CPT1A: variants seen among roughly 807,000 people sequenced by gnomAD.
The protein encoded by CPT1A is carnitine palmitoyltransferase 1A.
A neutral mutation model predicts 100.8 loss-of-function variants in CPT1A; 64 were observed. The observed-to-expected ratio is 0.63, with a 90% CI of 0.52 to 0.78. The LOEUF is 0.78. Ranked by LOEUF, CPT1A falls within the 30% of genes least tolerant of loss-of-function variation. The probability of loss-of-function intolerance (pLI) is 0.00; values close to 1 mark genes in which losing one functional copy is unlikely to be tolerated. For missense variants in CPT1A, 802 were observed against 1,034.1 expected, an observed-to-expected ratio of 0.78 and a Z score of 3.08; for synonymous variants, 363 against 396.0, an observed-to-expected ratio of 0.92 and a Z score of 0.99.
intron 7 of CPT1A, among the ~76,000 whole-genome samples, chr11:68,795,939 T>C (rs1235769810): frequency 6.8e-6 from 1 of 147,270 alleles, no homozygotes; most frequent in African/African-American, 2.5e-5. Context: ...AAGTAAATGA[T>C]TAAAAAATAA....
intron 6 of CPT1A, among the ~76,000 whole-genome samples, chr11:68,798,499 G>A (rs1033923442): frequency 1.3e-5 from 2 of 152,102 alleles, no homozygotes; most frequent in Admixed American, 6.5e-5. Context: ...CCCTTGCTTT[G>A]TCTGCCGGAG....
In CPT1A at chr11:68,815,493, A is replaced by T. The variant is rs1856359346; in HGVS notation, c.-13-6T>A. On this transcript the variant is annotated splice_region_variant and splice_polypyrimidine_tract_variant and intron_variant, in intron 1 of 18. Coordinates refer to ENST00000265641, the MANE Select transcript of CPT1A (RefSeq NM_001876.4). ...CTGCCATCTTCAGAGAGTACCTGGAAGGAGAAGGAGAAAATGTAACACAGT... is the reference window on the plus strand; with the variant it reads ...CTGCCATCTTCAGAGAGTACCTGGATGGAGAAGGAGAAAATGTAACACAGT... The T allele has an allele frequency of 3.1e-6, 5 of 1,613,828 alleles. No individual in the cohort carries two copies. The highest frequency in any genetic ancestry group is 4.2e-6 in the Non-Finnish European group (5 of 1,179,898).
chr11:68,839,728 T>A (rs1594384886), intron 1 of CPT1A: 1 of 985,166 alleles, frequency 1.0e-6, no homozygotes, highest in Non-Finnish European at 1.2e-6. Context: ...TGACGGTGTT[T>A]TTATGAATGA....
chr11:68,833,857 A>G (rs1312140500), intron 1 of CPT1A, among the ~76,000 whole-genome samples: 1 of 152,070 alleles, frequency 6.6e-6, no homozygotes, highest in African/African-American at 2.4e-5. Flanking sequence ...AAGGATTTTC[A>G]TTATTATTTT....
intron 9 of CPT1A, among the ~76,000 whole-genome samples, chr11:68,790,259 T>C (rs371560877): frequency 2.6e-5 from 4 of 152,158 alleles, no homozygotes; most frequent in South Asian, 4.2e-4. Context: ...TTTGTAGAGA[T>C]GGGGTTTTGC....
At position 68,815,245 on chromosome 11, in the gene CPT1A, C is replaced by G. The variant is rs140329836; in HGVS notation, c.141+89G>C. ...AGGTAAGTGATATGCAGTCGCCAGT[C>G]TGAAACACGTAGACCTCAATAGCAG... On this transcript the variant is annotated intron_variant, in intron 2 of 18. Coordinates refer to ENST00000265641, the MANE Select transcript of CPT1A (RefSeq NM_001876.4). 2.1e-4 allele frequency: 292 copies of G among 1,378,664 alleles called. 4 individuals carry two copies. The East Asian group carries it at 3.9e-3, about 18-fold the overall frequency. The allele number at this position is 1,378,664 out of a possible 1,614,324, so 85.4% of individuals were successfully genotyped here.
At chr11:68,770,340 C>T (rs528852307) in intron 14 of CPT1A, among the ~76,000 whole-genome samples, 6 of 152,270 alleles carry the variant, frequency 3.9e-5, no homozygotes, top group East Asian at 3.9e-4. Context: ...TGCGCTGGGC[C>T]GGCTCACTGG....
intron 5 of CPT1A, 136 bp downstream of exon 5, chr11:68,803,864 C>A: frequency 1.5e-6 from 1 of 668,032 alleles, no homozygotes; most frequent in Non-Finnish European, 2.7e-6. Context: ...AAAAAGAGTT[C>A]CTATGAGAAC....
intron 1 of CPT1A, among the ~76,000 whole-genome samples, chr11:68,819,356 T>G (rs1286247287): frequency 6.6e-6 from 1 of 152,000 alleles, no homozygotes; most frequent in African/African-American, 2.4e-5. Flanking sequence ...CCGGGATTAC[T>G]GCTATGAGCC....
chr11:68,827,751 T>C lies in CPT1A; in HGVS notation c.-13-12264A>G, dbSNP rs559330231. Among the ~76,000 whole-genome samples, 11 of 152,260 alleles carry C rather than the reference T, an allele frequency of 7.2e-5. No homozygotes were observed. In the East Asian group the frequency reaches 1.7e-3, roughly 24 times the overall value. On this transcript the variant is annotated intron_variant, in intron 1 of 18. Coordinates refer to ENST00000265641, the MANE Select transcript of CPT1A (RefSeq NM_001876.4). ...CGGGGCTCATCTTTCCCTACGTATTTGAGTATCTACAAGTGCATACAGTGC... is the reference window on the plus strand; with the variant it reads ...CGGGGCTCATCTTTCCCTACGTATTCGAGTATCTACAAGTGCATACAGTGC...
chr11:68,778,781 A>C, intron 12 of CPT1A, among the ~76,000 whole-genome samples: 1 of 151,982 alleles, frequency 6.6e-6, no homozygotes, highest in Non-Finnish European at 1.5e-5. Flanking sequence ...CAAGTTTACT[A>C]CTAATTTCTT....
intron 1 of CPT1A, among the ~76,000 whole-genome samples, chr11:68,837,663 G>A (rs1857042716): frequency 1.3e-5 from 2 of 152,058 alleles, no homozygotes; most frequent in Non-Finnish European, 2.9e-5. Context: ...GGCGGTTATG[G>A]CAATCCAGAG....
chr11:68,795,407 T>C (rs1320999894), intron 7 of CPT1A, among the ~76,000 whole-genome samples: 2 of 152,204 alleles, frequency 1.3e-5, no homozygotes, highest in Non-Finnish European at 2.9e-5. Flanking sequence ...CATGTCCCCA[T>C]TGATGTAGAA....
chr11:68,816,818 G>A (rs1373716357), intron 1 of CPT1A, among the ~76,000 whole-genome samples: 2 of 148,054 alleles, frequency 1.4e-5, no homozygotes, highest in Non-Finnish European at 3.0e-5. Context: ...ATGTGTGTGT[G>A]GTGTGTGTGG....
intron 1 of CPT1A, among the ~76,000 whole-genome samples, chr11:68,831,109 T>A (rs941846508): frequency 6.6e-6 from 1 of 152,236 alleles, no homozygotes; most frequent in African/African-American, 2.4e-5. Flanking sequence ...TGGTACTTTG[T>A]TTTTTGAAAG....
chr11:68,826,956 CAGGGCCA>C (rs1856748994), intron 1 of CPT1A, among the ~76,000 whole-genome samples: 1 of 152,068 alleles, frequency 6.6e-6, no homozygotes, highest in African/African-American at 2.4e-5. Flanking sequence ...ACGACAAGCC[CAGGGCCA>C]AGGGCGCAAA....
chr11:68,785,540 A>T (rs887237944), intron 9 of CPT1A, among the ~76,000 whole-genome samples: 1 of 149,604 alleles, frequency 6.7e-6, no homozygotes, highest in African/African-American at 2.5e-5. Flanking sequence ...CAGCCTGGGT[A>T]ACAGAGTGAT....
intron 9 of CPT1A, chr11:68,785,716 G>C: frequency 2.8e-6 from 1 of 354,094 alleles, no homozygotes; most frequent in South Asian, 4.2e-5. Context: ...GACGATATCC[G>C]TAAAGCCCAT....
At chr11:68,775,277 T>A in intron 13 of CPT1A, 39 bp downstream of exon 13, 1 of 1,495,906 alleles carries the variant, frequency 6.7e-7, no homozygotes, top group Non-Finnish European at 9.3e-7. Context: ...GTGTTTCCCA[T>A]CCCAGGTAAG....
Sources: gnomAD v4.1 joint callset for allele counts (sites outside exome capture counted in the v4.1 genomes callset) on GRCh38, gnomAD v4.1.1 for gene constraint, MANE v1.5 for transcripts, NCBI Gene and HGNC (gene_info 2026-07-23, HGNC 2026-07-21) for gene names.